The following MRTO4 variants were observed in gnomAD, a reference collection of about 807,000 sequenced individuals.
The protein encoded by MRTO4 is mRNA turnover protein 4 homolog.
In MRTO4, 7 loss-of-function variants were observed where a neutral mutation model predicts 28.6. The ratio of observed to expected loss-of-function variants is 0.24; its 90% CI spans 0.14 to 0.46. The LOEUF (loss-of-function observed/expected upper bound fraction) is 0.46. MRTO4 is among the 20% of genes least tolerant of loss of function. The pLI is 0.99. For synonymous variants in MRTO4, 113 were observed against 108.2 expected, an observed-to-expected ratio of 1.04 and a Z score of -0.27; for missense variants, 302 against 298.3, an observed-to-expected ratio of 1.01 and a Z score of -0.09.
chr1:19,258,958 C>T lies in MRTO4; in HGVS notation c.*128C>T, dbSNP rs2093676022. On this transcript the variant is annotated 3_prime_UTR_variant, in exon 8 of 8. Coordinates refer to ENST00000330263, the MANE Select transcript of MRTO4 (RefSeq NM_016183.4). ...GACAGGGAACATGATGGGCACTGAC[C>T]TCCTGTAAAGAATAAAACTGTGGGC... 2 of 1,181,938 alleles carry T rather than the reference C, an allele frequency of 1.7e-6. No homozygotes were observed. The highest frequency in any genetic ancestry group is 2.3e-6 in the Non-Finnish European group (2 of 865,816). The allele number at this position is 1,181,938 out of a possible 1,614,324, so 73.2% of individuals were successfully genotyped here.
chr1:19,258,957 C>T lies in MRTO4; in HGVS notation c.*127C>T. The T allele has an allele frequency of 8.5e-7, 1 of 1,182,976 alleles. No individual in the cohort carries two copies. The highest frequency in any genetic ancestry group is 1.2e-6 in the Non-Finnish European group (1 of 866,584). The allele number at this position is 1,182,976 out of a possible 1,614,324, so 73.3% of individuals were successfully genotyped here. On this transcript the variant is annotated 3_prime_UTR_variant, in exon 8 of 8. Transcript: ENST00000330263. ...AGACAGGGAACATGATGGGCACTGA[C>T]CTCCTGTAAAGAATAAAACTGTGGG...
intron 6 of MRTO4, 97 bp downstream of exon 6, chr1:19,258,081 A>C: frequency 1.4e-6 from 2 of 1,448,646 alleles, no homozygotes; most frequent in African/African-American, 2.9e-5. Context: ...TATTTCTACA[A>C]GCTTCCATTT....
chr1:19,259,649 C>T lies in MRTO4; in HGVS notation c.*819C>T, dbSNP rs951248999. ...CTGCCATGACAGCACAGCTCCACAC[C>T]AGAGCTGGGGTTTCTCTTCAGTCCT... On this transcript the variant is annotated 3_prime_UTR_variant, in exon 8 of 8. Transcript: ENST00000330263. 6.6e-6 allele frequency: 1 copy of T among 152,272 alleles called. No individual in the cohort carries two copies. Among genetic ancestry groups the T allele is most frequent in the African/African-American group, 2.4e-5 (1 of 41,460 alleles). 9.4% of individuals were successfully genotyped at this position (152,272 alleles called of 1,614,324 possible).
chr1:19,252,002 C>T (rs890487585), intron 1 of MRTO4, 139 bp downstream of exon 1: 2 of 1,269,134 alleles, frequency 1.6e-6, no homozygotes, highest in Non-Finnish European at 2.2e-6. Context: ...TCGCTGCGAG[C>T]TGGAATGGGG....
intron 1 of MRTO4, chr1:19,252,103 C>A: frequency 5.2e-6 from 3 of 572,750 alleles, no homozygotes; most frequent in Non-Finnish European, 6.0e-6. Flanking sequence ...GGTGCTCTTG[C>A]AAGGCCAACT....
At position 19,257,906 on chromosome 1, in the gene MRTO4, C is replaced by T. The variant is rs2093674053; in HGVS notation, c.415C>T (p.Pro139Ser). 6.2e-7 allele frequency: 1 copy of T among 1,614,030 alleles called. No homozygotes were observed. The change falls in exon 6 of 8, where the codon CCA becomes TCA. Residue 139 changes from proline to serine, a missense_variant. Transcript: ENST00000330263. The stretch of plus-strand genomic sequence containing the variant: ...AGCAGCTTTCACTGTGAGCCTGGAT[C>T]CAGGGCCCCTGGAGCAGTTCCCCCA... ...NKAAFTVSLDPGPLEQFPHSM... is the reference protein window; with the variant it reads ...NKAAFTVSLDSGPLEQFPHSM...
At chr1:19,258,215 A>G (rs564286258) in intron 6 of MRTO4, among the ~76,000 whole-genome samples, 1 of 152,242 alleles carries the variant, frequency 6.6e-6, no homozygotes, top group East Asian at 1.9e-4. Flanking sequence ...AAAAAAAAAA[A>G]AAGTCAAAAA....
In MRTO4 at chr1:19,259,053, GAGATTA is replaced by G; in HGVS notation, c.*227_*232del. The G allele has an allele frequency of 2.0e-6, 1 of 501,130 alleles. No individual in the cohort carries two copies. The highest frequency in any genetic ancestry group is 3.5e-6 in the Non-Finnish European group (1 of 283,512). 31.0% of individuals were successfully genotyped at this position (501,130 alleles called of 1,614,324 possible). A position where few individuals can be genotyped will look rare whatever the true frequency, so the allele number is the denominator to read the frequency against. On this transcript the variant is annotated 3_prime_UTR_variant, in exon 8 of 8. Transcript: ENST00000330263. ...CGAGGTGGGCAGATCATAAGGTCGG[GAGATTA>G]AGACCATCCTGGCTAACACGGTGAA...
intron 2 of MRTO4, among the ~76,000 whole-genome samples, chr1:19,255,421 G>C (rs2093670036): frequency 6.8e-6 from 1 of 147,218 alleles, no homozygotes; most frequent in South Asian, 2.1e-4. Context: ...AAAAAAAAGA[G>C]CTGGGAGATT....
At chr1:19,257,369 C>G in intron 4 of MRTO4, 85 bp from the exon 5 acceptor site, 1 of 1,496,500 alleles carries the variant, frequency 6.7e-7, no homozygotes, top group South Asian at 1.1e-5. Context: ...TTAAATGTTG[C>G]CAAATGTACC....
At position 19,258,757 on chromosome 1, in the gene MRTO4, A is replaced by T; in HGVS notation, c.647A>T (p.Gln216Leu). Residue 216 changes from glutamine (Q) to leucine (L), a missense_variant, in exon 8 of 8, where the codon CAG (glutamine) becomes CTG (leucine). Coordinates refer to ENST00000330263, the MANE Select transcript of MRTO4 (RefSeq NM_016183.4). ...TGGGATTCACAGTCGGGAAGGTTCC[A>T]GCAGATGGGAGACGACTTGCCAGAG... is the stretch of plus-strand genomic sequence containing the variant. ...YMWDSQSGRFQQMGDDLPESA... is the reference protein window; with the variant it reads ...YMWDSQSGRFLQMGDDLPESA... The T allele has an allele frequency of 1.2e-6, 2 of 1,614,238 alleles. No individual in the cohort carries two copies. The highest frequency in any genetic ancestry group is 8.5e-7 in the Non-Finnish European group (1 of 1,180,048).
rs753113915 is a variant in MRTO4, at chr1:19,258,533, C to T, written c.550C>T (p.Pro184Ser). 3.1e-6 allele frequency: 5 copies of T among 1,614,000 alleles called. No homozygotes were observed. Among genetic ancestry groups the T allele is most frequent in the Non-Finnish European group, 4.2e-6 (5 of 1,180,054 alleles). ...EVCKEGDVLT[P>S]EQARVLKLFG... The stretch of plus-strand genomic sequence containing the variant: ...GTGCAAGGAGGGCGATGTGCTGACC[C>T]CAGAGCAGGCTCGCGTCCTGGTGAG... The change falls in exon 7 of 8, where the codon CCA (proline) becomes TCA (serine). Residue 184 changes from proline (P) to serine (S), a missense_variant. By Grantham distance (74) the Pro-to-Ser change is moderately conservative (BLOSUM62 -1). Transcript: ENST00000330263.
chr1:19,258,867 G>GAA lies in MRTO4; in HGVS notation c.*37_*38insAA, dbSNP rs1214364007. 7 of 1,602,784 alleles carry GAA rather than the reference G, an allele frequency of 4.4e-6. No homozygotes were observed. The African/African-American group carries it at 9.4e-5, about 22-fold the overall frequency. ...GACTGAAGGTCTCCTGGAAGCTTCT[G>GAA]GGTCTCACTGGACCATCAGGACTGC... On this transcript the variant is annotated 3_prime_UTR_variant, in exon 8 of 8. Coordinates refer to ENST00000330263, the MANE Select transcript of MRTO4 (RefSeq NM_016183.4).
intron 3 of MRTO4, among the ~76,000 whole-genome samples, 194 bp from the exon 4 acceptor site, chr1:19,256,870 G>C (rs1247456174): frequency 1.3e-5 from 2 of 152,200 alleles, no homozygotes; most frequent in African/African-American, 4.8e-5. Flanking sequence ...TGCCATGTCA[G>C]GAGTCTGTGG....
At chr1:19,257,250 G>T in intron 4 of MRTO4, 105 bp downstream of exon 4, 1 of 1,308,336 alleles carries the variant, frequency 7.6e-7, no homozygotes, top group Admixed American at 1.8e-5. Context: ...GGAGGCTCAG[G>T]GAGAGCAGGG....
At chr1:19,253,320 G>A (rs2093666248) in intron 1 of MRTO4, among the ~76,000 whole-genome samples, 1 of 152,184 alleles carries the variant, frequency 6.6e-6, no homozygotes, top group Non-Finnish European at 1.5e-5. Context: ...AAGTGAAAAG[G>A]CTCTGAAATG....
At chr1:19,253,298 A>T (rs1335390542) in intron 1 of MRTO4, among the ~76,000 whole-genome samples, 3 of 152,208 alleles carry the variant, frequency 2.0e-5, no homozygotes, top group Non-Finnish European at 2.9e-5. Flanking sequence ...TGTTCCAAGT[A>T]GAGGGAACCT....
chr1:19,258,985 G>A lies in MRTO4; in HGVS notation c.*155G>A, dbSNP rs537580931. ...CCTGTAAAGAATAAAACTGTGGGCC[G>A]GGCGCGGTGGCTCACGCCTGGAATC... On this transcript the variant is annotated 3_prime_UTR_variant, in exon 8 of 8. Transcript: ENST00000330263. 64 of 980,216 alleles carry A rather than the reference G, an allele frequency of 6.5e-5. 1 individual carries two copies. The South Asian group carries it at 1.0e-3, about 16-fold the overall frequency. 60.7% of individuals were successfully genotyped at this position (980,216 alleles called of 1,614,324 possible).
intron 5 of MRTO4, 62 bp from the exon 6 acceptor site, chr1:19,257,771 T>C: frequency 6.3e-7 from 1 of 1,587,764 alleles, no homozygotes; most frequent in East Asian, 2.2e-5. Flanking sequence ...TGGGGGAGCC[T>C]GACTCATGGG....
Sources: gnomAD v4.1 joint callset for allele counts (sites outside exome capture counted in the v4.1 genomes callset) on GRCh38, gnomAD v4.1.1 for gene constraint, MANE v1.5 for transcripts, NCBI Gene and HGNC (gene_info 2026-07-23, HGNC 2026-07-21) for gene names.